The following LRP1B variants were observed in gnomAD, a reference collection of about 807,000 sequenced individuals.
The protein encoded by LRP1B is LDL receptor related protein 1B.
Under a neutral mutation model 556.6 loss-of-function variants are expected in LRP1B, and 217 were observed. The ratio of observed to expected loss-of-function variants is 0.39; its 90% CI spans 0.35 to 0.44. LRP1B has a LOEUF of 0.44. LRP1B is among the 20% of genes least tolerant of loss of function. LRP1B has a pLI of 1.00. For missense variants in LRP1B, 5,053 were observed against 5,620.8 expected (o/e 0.90, Z 3.23); for synonymous variants, 2,047 against 1,865.8 (o/e 1.10, Z -2.50).
rs1182386345 is a variant in LRP1B, at chr2:140,269,131, G to A, written c.13247+1111C>T. ...TGTTGGTGAGTGAAGCAAAGGTTAAGTGTGTATGACACAGATGAGCCCCGA... is the reference window on the plus strand; with the variant it reads ...TGTTGGTGAGTGAAGCAAAGGTTAAATGTGTATGACACAGATGAGCCCCGA... On this transcript the variant is annotated intron_variant, in intron 86 of 90. Transcript: ENST00000389484. 6 of 379,758 alleles carry A rather than the reference G, an allele frequency of 1.6e-5. No individual in the cohort carries two copies. In the Admixed American group the frequency reaches 2.0e-4, roughly 12 times the overall value. The allele number at this position is 379,758 out of a possible 1,614,324, so 23.5% of individuals were successfully genotyped here.
At chr2:141,178,019 T>C (rs1680813891) in intron 7 of LRP1B, among the ~76,000 whole-genome samples, 1 of 152,148 alleles carries the variant, frequency 6.6e-6, no homozygotes, top group South Asian at 2.1e-4. Context: ...TAACTTTAAA[T>C]ATGGTTATTG....
chr2:141,654,021 T>C (rs1420322426), intron 2 of LRP1B, among the ~76,000 whole-genome samples: 1 of 152,146 alleles, frequency 6.6e-6, no homozygotes, highest in Non-Finnish European at 1.5e-5. Context: ...CAGAGAAGGT[T>C]CTAAGCATGA....
At chr2:141,658,032 C>T (rs1690079388) in intron 2 of LRP1B, among the ~76,000 whole-genome samples, 2 of 152,104 alleles carry the variant, frequency 1.3e-5, no homozygotes, top group African/African-American at 2.4e-5. Flanking sequence ...TTGCCAAATG[C>T]TAATTTATTT....
intron 21 of LRP1B, among the ~76,000 whole-genome samples, chr2:140,909,805 C>A (rs1694362785): frequency 6.6e-6 from 1 of 150,500 alleles, no homozygotes; most frequent in Admixed American, 6.6e-5. Context: ...AACAGAAAAA[C>A]AGATTTCATA....
chr2:140,324,568 G>T (rs995245545), intron 80 of LRP1B, among the ~76,000 whole-genome samples: 12 of 152,012 alleles, frequency 7.9e-5, no homozygotes, highest in Non-Finnish European at 1.8e-4. Context: ...TTCAGAAGTG[G>T]AATAAAGAAA....
intron 17 of LRP1B, among the ~76,000 whole-genome samples, chr2:140,986,117 T>C (rs1696916810): frequency 6.6e-6 from 1 of 151,928 alleles, no homozygotes; most frequent in Non-Finnish European, 1.5e-5. Context: ...TAGTGGTTTT[T>C]TTTTCCTTGG....
intron 7 of LRP1B, among the ~76,000 whole-genome samples, chr2:141,100,679 G>A (rs1196472015): frequency 6.6e-6 from 1 of 152,120 alleles, no homozygotes; most frequent in Non-Finnish European, 1.5e-5. Flanking sequence ...AATGTTTGTT[G>A]AACTGGAAAC....
chr2:140,984,244 AT>A (rs1170987635), intron 17 of LRP1B, among the ~76,000 whole-genome samples: 1 of 151,760 alleles, frequency 6.6e-6, no homozygotes, highest in Non-Finnish European at 1.5e-5. Context: ...TAATAACAGA[AT>A]TTTTTTCAAT....
chr2:140,529,742 C>T (rs1690605189), intron 47 of LRP1B, among the ~76,000 whole-genome samples: 1 of 151,958 alleles, frequency 6.6e-6, no homozygotes, highest in South Asian at 2.1e-4. Context: ...ATGTACTTCC[C>T]AAAGGGAGCA....
chr2:140,813,540 A>G (rs548311036), intron 32 of LRP1B, 117 bp downstream of exon 32: 10 of 833,768 alleles, frequency 1.2e-5, no homozygotes, highest in Admixed American at 5.0e-5. Flanking sequence ...GAAGTGTTCA[A>G]TTTGAATATA....
In LRP1B at chr2:141,348,245, C is replaced by T. The variant is rs576621602; in HGVS notation, c.344-93604G>A. On this transcript the variant is annotated intron_variant, in intron 3 of 90. Coordinates refer to ENST00000389484, the MANE Select transcript of LRP1B (RefSeq NM_018557.3). Reference sequence around the variant, plus strand: ...TGTAAGATTTGAAAAAGCAACAAACCGCCAGTTAGGTGAAGAGAGGGTGGA... The same window carrying T: ...TGTAAGATTTGAAAAAGCAACAAACTGCCAGTTAGGTGAAGAGAGGGTGGA... Among the ~76,000 whole-genome samples, 8 of 151,922 alleles carry T rather than the reference C, an allele frequency of 5.3e-5. No homozygotes were observed. The East Asian group carries it at 1.2e-3, about 22-fold the overall frequency.
rs549224926 is a variant in LRP1B at position 141,613,944 on chromosome 2, G to T, written c.206-133411C>A. Among the ~76,000 whole-genome samples the T allele has an allele frequency of 4.0e-5, 6 of 151,276 alleles. No individual in the cohort carries two copies. The South Asian group carries it at 1.3e-3, about 32-fold the overall frequency. On this transcript the variant is annotated intron_variant, in intron 2 of 90. Coordinates refer to ENST00000389484, the MANE Select transcript of LRP1B (RefSeq NM_018557.3). ...AAAAATCAGCCAGGTGTAGTGGCAG[G>T]CGCCTATAATCCCAGCTACTCGGGA... is the stretch of plus-strand genomic sequence containing the variant.
At chr2:140,624,866 G>A (rs1268888682) in intron 41 of LRP1B, among the ~76,000 whole-genome samples, 1 of 152,140 alleles carries the variant, frequency 6.6e-6, no homozygotes, top group African/African-American at 2.4e-5. Flanking sequence ...GTCTTAGGAG[G>A]TGATCTGAAA....
intron 6 of LRP1B, among the ~76,000 whole-genome samples, chr2:141,208,825 C>T (rs1046336651): frequency 2.4e-5 from 3 of 124,504 alleles, no homozygotes; most frequent in Non-Finnish European, 3.1e-5. Context: ...GCTGAGATCA[C>T]GCCGCTGCAC....
chr2:140,487,845 C>T (rs1034810756), intron 57 of LRP1B, 106 bp from the exon 58 acceptor site: 5 of 641,590 alleles, frequency 7.8e-6, no homozygotes, highest in Non-Finnish European at 1.3e-5. Context: ...CTAAATAGTT[C>T]TATTTATTAT....
chr2:141,728,684 G>A (rs13024316), intron 2 of LRP1B, among the ~76,000 whole-genome samples: 27,572 of 151,930 alleles, frequency 0.18, 2,888 homozygotes, highest in East Asian at 0.28. Context: ...CCTCCTAGTA[G>A]CATCACTATT....
intron 59 of LRP1B, among the ~76,000 whole-genome samples, chr2:140,483,489 A>C (rs11902632): frequency 0.051 from 7,759 of 150,912 alleles, 244 homozygotes; most frequent in African/African-American, 0.063. Context: ...AGTGAAGCAT[A>C]TTGAATAGCA....
chr2:141,867,484 T>G (rs1253179972), intron 1 of LRP1B, among the ~76,000 whole-genome samples: 2 of 152,160 alleles, frequency 1.3e-5, no homozygotes, highest in African/African-American at 2.4e-5. Flanking sequence ...CCTGTATCTT[T>G]CAGAAGCACT....
chr2:141,918,045 A>G (rs1700084802), intron 1 of LRP1B, among the ~76,000 whole-genome samples: 1 of 152,092 alleles, frequency 6.6e-6, no homozygotes, highest in Non-Finnish European at 1.5e-5. Context: ...GTTATTTTAT[A>G]AATGAAAATG....
Sources: gnomAD v4.1 joint callset for allele counts (sites outside exome capture counted in the v4.1 genomes callset) on GRCh38, gnomAD v4.1.1 for gene constraint, MANE v1.5 for transcripts, NCBI Gene and HGNC (gene_info 2026-07-23, HGNC 2026-07-21) for gene names.